Variants in UBR1 observed in about 807,000 individuals in gnomAD.
UBR1 encodes the protein ubiquitin protein ligase E3 component n-recognin 1.
In UBR1, 102 loss-of-function variants were observed where a neutral mutation model predicts 242.1. The observed-to-expected ratio is 0.42, with a 90% CI of 0.36 to 0.50. UBR1 has a LOEUF of 0.50. Ranked by LOEUF, UBR1 falls within the 20% of genes least tolerant of loss-of-function variation. The probability of loss-of-function intolerance (pLI) is 0.01; values close to 1 mark genes in which losing one functional copy is unlikely to be tolerated. For synonymous variants in UBR1, 675 were observed against 684.8 expected, an observed-to-expected ratio of 0.99 and a Z score of 0.22; for missense variants, 1,772 against 2,101.8, an observed-to-expected ratio of 0.84 and a Z score of 3.07.
intron 13 of UBR1, among the ~76,000 whole-genome samples, 188 bp from the exon 14 acceptor site, chr15:43,047,477 G>C (rs913923078): frequency 6.6e-6 from 1 of 152,198 alleles, no homozygotes; most frequent in Non-Finnish European, 1.5e-5. Context: ...GCAAAGCCCA[G>C]CTCTGTCTGG....
rs139545030 is a variant in UBR1, at chr15:43,084,465, G to A, written c.338+1519C>T. On this transcript the variant is annotated intron_variant, in intron 2 of 46. Coordinates refer to ENST00000290650, the MANE Select transcript of UBR1 (RefSeq NM_174916.3). The stretch of plus-strand genomic sequence containing the variant: ...CACAAAATGCAAAGACTATTTTTTC[G>A]TTTGTTTTTGAGATGGAGTCTTGCT... 4.3e-3 allele frequency among the ~76,000 whole-genome samples: 659 copies of A among 152,082 alleles called. 14 individuals are homozygous for A. The East Asian group carries it at 0.051, about 12-fold the overall frequency.
chr15:43,087,417 A>C (rs1256982445), intron 1 of UBR1, among the ~76,000 whole-genome samples: 1 of 152,156 alleles, frequency 6.6e-6, no homozygotes. Flanking sequence ...AAAAAAAATA[A>C]AATAAAATAA....
rs529890253 is a variant in UBR1 at position 43,014,672 on chromosome 15, C to T, written c.3209+1016G>A. On this transcript the variant is annotated intron_variant, in intron 29 of 46. Transcript: ENST00000290650. ...CGCCCCTTCTAAGAAGTGAGGAGCCCCTCCGCCCAGCAGCCACCCCATCTG... is the reference window on the plus strand; with the variant it reads ...CGCCCCTTCTAAGAAGTGAGGAGCCTCTCCGCCCAGCAGCCACCCCATCTG... Among the ~76,000 whole-genome samples, 671 of 151,602 alleles carry T rather than the reference C, an allele frequency of 4.4e-3. 9 individuals carry two copies. The highest frequency in any genetic ancestry group is 0.016 in the African/African-American group (643 of 41,284).
intron 42 of UBR1, among the ~76,000 whole-genome samples, chr15:42,961,273 C>A (rs763749880): frequency 6.6e-6 from 1 of 151,724 alleles, no homozygotes; most frequent in Non-Finnish European, 1.5e-5. Flanking sequence ...CCACCATGCC[C>A]GGTTAATTTT....
At chr15:42,967,939 T>C (rs1158028310) in intron 40 of UBR1, among the ~76,000 whole-genome samples, 3 of 150,156 alleles carry the variant, frequency 2.0e-5, no homozygotes, top group Admixed American at 6.7e-5. Context: ...ATATTATGAA[T>C]ATATATAAAA....
intron 30 of UBR1, among the ~76,000 whole-genome samples, chr15:43,005,231 G>C (rs938553892): frequency 2.6e-5 from 4 of 150,966 alleles, no homozygotes; most frequent in African/African-American, 7.3e-5. Flanking sequence ...GCAGCCGCCC[G>C]GTCCAGGAGG....
At chr15:43,034,338 A>C (rs997313981) in intron 19 of UBR1, among the ~76,000 whole-genome samples, 2 of 151,850 alleles carry the variant, frequency 1.3e-5, no homozygotes, top group African/African-American at 4.8e-5. Flanking sequence ...GCTATGCAGG[A>C]AGCTGAGGTA....
chr15:43,041,157 A>G (rs964434761), intron 15 of UBR1, among the ~76,000 whole-genome samples: 24 of 152,320 alleles, frequency 1.6e-4, no homozygotes, highest in East Asian at 1.3e-3. Context: ...TGTTTATTGC[A>G]GCACTATTCA....
intron 30 of UBR1, among the ~76,000 whole-genome samples, chr15:43,005,441 G>C (rs924710786): frequency 6.7e-6 from 1 of 148,180 alleles, no homozygotes; most frequent in East Asian, 2.1e-4. Flanking sequence ...GCCCCCGCCC[G>C]GCCAGCCACC....
At chr15:43,076,850 G>A (rs1286631032) in intron 3 of UBR1, among the ~76,000 whole-genome samples, 3 of 99,452 alleles carry the variant, frequency 3.0e-5, no homozygotes, top group Non-Finnish European at 7.0e-5. Context: ...CGCCCCTACT[G>A]GGAAGTGAGG....
At chr15:43,012,423 T>C (rs564775131) in intron 29 of UBR1, among the ~76,000 whole-genome samples, 2 of 152,298 alleles carry the variant, frequency 1.3e-5, no homozygotes, top group Admixed American at 1.3e-4. Flanking sequence ...AGAACAATGA[T>C]AATTTGTAAT....
intron 30 of UBR1, among the ~76,000 whole-genome samples, chr15:43,005,651 G>A (rs1370535494): frequency 6.6e-6 from 1 of 152,210 alleles, no homozygotes; most frequent in African/African-American, 2.4e-5. Context: ...GAATAGAAAA[G>A]GGGGAAATGT....
chr15:43,102,569 G>T (rs1265112319), intron 1 of UBR1, among the ~76,000 whole-genome samples: 1 of 152,140 alleles, frequency 6.6e-6, no homozygotes, highest in Non-Finnish European at 1.5e-5. Context: ...TTGACTTAAG[G>T]AAGAAAATCT....
chr15:42,990,153 C>A, intron 33 of UBR1, 33 bp from the exon 34 acceptor site: 1 of 1,445,122 alleles, frequency 6.9e-7, no homozygotes, highest in Non-Finnish European at 9.6e-7. Context: ...AAAGAAAAAT[C>A]ATGAATGAGT....
intron 1 of UBR1, among the ~76,000 whole-genome samples, chr15:43,098,868 CA>C (rs1567152387): frequency 6.6e-6 from 1 of 152,148 alleles, no homozygotes; most frequent in African/African-American, 2.4e-5. Flanking sequence ...CAGTTAGACT[CA>C]AAAGACCTAC....
intron 37 of UBR1, among the ~76,000 whole-genome samples, chr15:42,981,050 C>T (rs1283296873): frequency 6.6e-6 from 1 of 152,148 alleles, no homozygotes; most frequent in Admixed American, 6.5e-5. Context: ...CAGCCCACCC[C>T]AACGTCTTCC....
At chr15:43,025,118 T>G in intron 24 of UBR1, 135 bp from the exon 25 acceptor site, 1 of 1,142,558 alleles carries the variant, frequency 8.8e-7, no homozygotes, top group Non-Finnish European at 1.2e-6. Flanking sequence ...TTGCTACCTT[T>G]CCAGTACTGA....
chr15:43,014,900 G>A (rs1393923088), intron 29 of UBR1, among the ~76,000 whole-genome samples: 79 of 149,776 alleles, frequency 5.3e-4, no homozygotes, highest in African/African-American at 8.6e-4. Flanking sequence ...GCCCCCGCCC[G>A]GCCAGCCACC....
chr15:42,999,186 G>A (rs1478963276), intron 32 of UBR1, among the ~76,000 whole-genome samples: 1 of 152,110 alleles, frequency 6.6e-6, no homozygotes, highest in Non-Finnish European at 1.5e-5. Context: ...TGATCCGCCC[G>A]CCTCAGCCTC....
Sources: allele counts gnomAD v4.1 joint callset (sites outside exome capture counted in the v4.1 genomes callset), GRCh38; gene constraint gnomAD v4.1.1; transcripts MANE v1.5; gene names NCBI Gene and HGNC (gene_info 2026-07-23, HGNC 2026-07-21).